The following PPIL2 variants were observed in gnomAD, a reference collection of about 807,000 sequenced individuals.
PPIL2 encodes the protein RING-type E3 ubiquitin-protein ligase PPIL2.
In PPIL2, 50 loss-of-function variants were observed where a neutral mutation model predicts 75.2. That is an observed-to-expected ratio of 0.66 (90% CI 0.53 to 0.84). PPIL2 has a LOEUF of 0.84. Ranked by LOEUF, PPIL2 falls within the 40% of genes least tolerant of loss-of-function variation. The pLI is 0.00. For missense variants in PPIL2, 590 were observed against 685.0 expected (o/e 0.86, Z 1.55); for synonymous variants, 245 against 258.8 (o/e 0.95, Z 0.51).
In PPIL2 at chr22:21,695,725, G is replaced by T. The variant is rs1193690168; in HGVS notation, c.*235G>T. 11 of 1,345,680 alleles carry T rather than the reference G, an allele frequency of 8.2e-6. No individual in the cohort carries two copies. Among genetic ancestry groups the T allele is most frequent in the Non-Finnish European group, 1.1e-5 (11 of 1,043,308 alleles). 83.4% of individuals were successfully genotyped at this position (1,345,680 alleles called of 1,614,324 possible). ...TGGCCCAGCCAGAGCCCACTGCTGG[G>T]ACCTTCAAGCACAAGGCCTGCCCTA... On this transcript the variant is annotated 3_prime_UTR_variant, in exon 20 of 20. Transcript: ENST00000398831.
intron 15 of PPIL2, among the ~76,000 whole-genome samples, chr22:21,693,023 TG>T (rs1275221028): frequency 6.6e-6 from 1 of 152,112 alleles, no homozygotes; most frequent in Non-Finnish European, 1.5e-5. Flanking sequence ...GCAGTGCTGT[TG>T]GCTGTTTTAA....
At chr22:21,698,262 A>C (rs1294252872), downstream of PPIL2, 1 of 40,270 alleles carries the variant, frequency 2.5e-5, no homozygotes, top group Non-Finnish European at 7.3e-5. Flanking sequence ...TATAAATTAC[A>C]AAAAAAAAAA....
chr22:21,669,373 G>T (rs889382561), intron 1 of PPIL2: 6 of 450,476 alleles, frequency 1.3e-5, no homozygotes, highest in Non-Finnish European at 2.7e-5. Context: ...GTTCTCCAAC[G>T]CCTGGACTCA....
intron 6 of PPIL2, among the ~76,000 whole-genome samples, chr22:21,675,705 C>T (rs970945317): frequency 6.6e-6 from 1 of 152,242 alleles, no homozygotes; most frequent in Non-Finnish European, 1.5e-5. Flanking sequence ...CATGGGCCCC[C>T]TCTGGCTGAG....
chr22:21,690,667 G>T (rs1053557082), intron 15 of PPIL2, among the ~76,000 whole-genome samples: 2 of 152,092 alleles, frequency 1.3e-5, no homozygotes, highest in Non-Finnish European at 2.9e-5. Flanking sequence ...CTTCTTCATG[G>T]TGCTTTTCCT....
rs568795493 is a variant in PPIL2 at position 21,695,024 on chromosome 22, C to G, written c.1420C>G (p.Gln474Glu). 5.6e-6 allele frequency: 9 copies of G among 1,612,974 alleles called. No individual in the cohort carries two copies. The highest frequency in any genetic ancestry group is 5.5e-5 in the South Asian group (5 of 91,076). ...SQPQAGSQGP[Q>E]TFRQGVGKYI... ...GCCCCAGGCAGGGAGCCAGGGCCCC[C>G]AGACCTTCCGCCAGGGCGTGGGCAA... Residue 474 changes from glutamine (Q) to glutamate (E), a missense_variant, in exon 19 of 20, where the codon CAG (glutamine) becomes GAG (glutamate). Coordinates refer to ENST00000398831, the MANE Select transcript of PPIL2 (RefSeq NM_014337.4).
At chr22:21,692,285 A>G (rs1019493249) in intron 15 of PPIL2, among the ~76,000 whole-genome samples, 6 of 151,572 alleles carry the variant, frequency 4.0e-5, no homozygotes, top group African/African-American at 9.7e-5. Flanking sequence ...CCTCCCTAGT[A>G]GCTGGGACTA....
At chr22:21,672,016 A>C (rs1233223814) in intron 4 of PPIL2, among the ~76,000 whole-genome samples, 1 of 152,032 alleles carries the variant, frequency 6.6e-6, no homozygotes. Context: ...GAAACACTGC[A>C]CTCCAGCCTG....
chr22:21,666,654 C>T (rs898873072), intron 1 of PPIL2, among the ~76,000 whole-genome samples: 2 of 151,974 alleles, frequency 1.3e-5, no homozygotes, highest in Non-Finnish European at 2.9e-5. Context: ...ACTAAAAATA[C>T]AAAAATTAGC....
chr22:21,669,041 T>G (rs1210407), intron 1 of PPIL2, among the ~76,000 whole-genome samples: 145,449 of 148,484 alleles, frequency 0.98, 71,309 homozygotes, highest in African/African-American at 0.99. Context: ...TAGTAGAGAC[T>G]GGTTTCACCG....
At chr22:21,668,417 G>A (rs1286602424) in intron 1 of PPIL2, among the ~76,000 whole-genome samples, 1 of 151,450 alleles carries the variant, frequency 6.6e-6, no homozygotes, top group Admixed American at 6.6e-5. Context: ...ACCAGGTCAG[G>A]AGATCGAGAC....
rs2067972602 is a variant in PPIL2 at position 21,697,226 on chromosome 22, C to T, written c.*1736C>T. 1 of 543,702 alleles carries T rather than the reference C, an allele frequency of 1.8e-6. No homozygotes were observed. The highest frequency in any genetic ancestry group is 3.3e-6 in the Non-Finnish European group (1 of 302,346). The allele number at this position is 543,702 out of a possible 1,614,324, so 33.7% of individuals were successfully genotyped here. On this transcript the variant is annotated 3_prime_UTR_variant, in exon 20 of 20. Transcript: ENST00000398831. ...AGTGACTGCCCAGGTGTCCACACACCTGTAGGCCTCTGAGCCAGCGTCCAG... is the reference window on the plus strand; with the variant it reads ...AGTGACTGCCCAGGTGTCCACACACTTGTAGGCCTCTGAGCCAGCGTCCAG...
At position 21,681,147 on chromosome 22, in the gene PPIL2, C is replaced by T. The variant is rs956172081; in HGVS notation, c.296-152C>T. ...GCTTGAGGGGGTGAGCAGCTGTCCCCATGGTTCCCTGCTCTGGCAGCTGAC... is the reference window on the plus strand; with the variant it reads ...GCTTGAGGGGGTGAGCAGCTGTCCCTATGGTTCCCTGCTCTGGCAGCTGAC... On this transcript the variant is annotated intron_variant, in intron 6 of 19. Transcript: ENST00000398831. The T allele has an allele frequency of 6.1e-6, 4 of 653,072 alleles. No homozygotes were observed. The Admixed American group carries it at 9.6e-5, about 16-fold the overall frequency. 40.5% of individuals were successfully genotyped at this position (653,072 alleles called of 1,614,324 possible).
intron 19 of PPIL2, 102 bp from the exon 20 acceptor site, chr22:21,695,292 G>T: frequency 7.3e-7 from 1 of 1,378,322 alleles, no homozygotes; most frequent in Non-Finnish European, 9.9e-7. Flanking sequence ...AGCAGCAGGT[G>T]GGAGGGGTTG....
chr22:21,684,683 G>A lies in PPIL2; in HGVS notation c.554-70G>A, dbSNP rs2067280146. ...GACGGCCCTGGGCTATTCTAGATCT[G>A]TGTCCCCAGCACGTGTGTGGGGAGG... is the stretch of plus-strand genomic sequence containing the variant. On this transcript the variant is annotated intron_variant, in intron 9 of 19. Coordinates refer to ENST00000398831, the MANE Select transcript of PPIL2 (RefSeq NM_014337.4). 1.9e-6 allele frequency: 3 copies of A among 1,569,654 alleles called. No homozygotes were observed. The South Asian group carries it at 3.5e-5, about 18-fold the overall frequency.
intron 15 of PPIL2, among the ~76,000 whole-genome samples, chr22:21,693,193 A>G (rs1414922638): frequency 1.3e-5 from 2 of 151,878 alleles, no homozygotes; most frequent in Non-Finnish European, 2.9e-5. Context: ...GACTACAGGC[A>G]CACGCCACCA....
At chr22:21,689,080 T>A (rs903351275) in intron 15 of PPIL2, among the ~76,000 whole-genome samples, 3 of 152,204 alleles carry the variant, frequency 2.0e-5, no homozygotes, top group Non-Finnish European at 4.4e-5. Context: ...AAGTCGGGAA[T>A]TACTGGAGGT....
At chr22:21,678,867 C>T (rs2066984607) in intron 6 of PPIL2, among the ~76,000 whole-genome samples, 1 of 151,026 alleles carries the variant, frequency 6.6e-6, no homozygotes, top group African/African-American at 2.4e-5. Context: ...GATGGGACCA[C>T]AGGCATGTAC....
chr22:21,691,552 C>T (rs546839455), intron 15 of PPIL2, among the ~76,000 whole-genome samples: 5 of 152,078 alleles, frequency 3.3e-5, no homozygotes, highest in South Asian at 4.2e-4. Context: ...TGGTGGCAGG[C>T]GCCTGTAGTC....
Sources: allele counts gnomAD v4.1 joint callset (sites outside exome capture counted in the v4.1 genomes callset), GRCh38; gene constraint gnomAD v4.1.1; transcripts MANE v1.5; gene names NCBI Gene and HGNC (gene_info 2026-07-23, HGNC 2026-07-21).